Variants in MIA2 observed in about 807,000 individuals in gnomAD.
MIA2 encodes MIA SH3 domain ER export factor 2.
In MIA2, 127 loss-of-function variants were observed where a neutral mutation model predicts 167.8. That is an observed-to-expected ratio of 0.76 (90% CI 0.66 to 0.88). The LOEUF (loss-of-function observed/expected upper bound fraction) is 0.88. Ranked by LOEUF, MIA2 falls within the 40% of genes least tolerant of loss-of-function variation. The pLI is 0.00. For synonymous variants in MIA2, 552 were observed against 541.9 expected, an observed-to-expected ratio of 1.02 and a Z score of -0.26; for missense variants, 1,690 against 1,624.7, an observed-to-expected ratio of 1.04 and a Z score of -0.69.
chr14:39,341,403 T>A (rs1268418571), intron 25 of MIA2, among the ~76,000 whole-genome samples: 1 of 152,188 alleles, frequency 6.6e-6, no homozygotes, highest in Non-Finnish European at 1.5e-5. Flanking sequence ...AAGGGGAAAT[T>A]AATGATGTTT....
intron 28 of MIA2, among the ~76,000 whole-genome samples, chr14:39,349,247 C>G (rs866587316): frequency 3.5e-4 from 53 of 152,164 alleles, no homozygotes; most frequent in African/African-American, 1.3e-3. Flanking sequence ...GCAGGTCTTA[C>G]GATAAAACTA....
Position 39,285,989 on chromosome 14 carries a change from C to G in MIA2, c.2131-5030C>G, listed in dbSNP as rs955927911. ...GGCAGCCGGGCAGAGGGGCTCCTCA[C>G]ATCCTAGACGATGGGCGGCCAGGCA... On this transcript the variant is annotated intron_variant, in intron 9 of 28. Transcript: ENST00000640607. Among the ~76,000 whole-genome samples the G allele has an allele frequency of 2.6e-5, 4 of 152,148 alleles. No homozygotes were observed. In the East Asian group the frequency reaches 7.7e-4, roughly 29 times the overall value.
chr14:39,288,054 A>C (rs7158633), intron 9 of MIA2, among the ~76,000 whole-genome samples: 141,517 of 152,126 alleles, frequency 0.93, 65,914 homozygotes, highest in East Asian at 0.96. Flanking sequence ...GCCATGTTGC[A>C]CAGGCTGGTC....
At chr14:39,267,435 C>G in intron 6 of MIA2, 1 of 1,610,822 alleles carries the variant, frequency 6.2e-7, no homozygotes, top group Non-Finnish European at 8.5e-7. Context: ...GTTACTGTGG[C>G]GACCACGAGA....
intron 1 of MIA2, 57 bp from the exon 2 acceptor site, chr14:39,236,862 AAGG>A (rs2053769277): frequency 6.8e-7 from 1 of 1,461,196 alleles, no homozygotes; most frequent in East Asian, 2.3e-5. Context: ...AGCAAGATGA[AAGG>A]AGGAGAAATA....
intron 23 of MIA2, among the ~76,000 whole-genome samples, chr14:39,381,101 G>C (rs1359863329): frequency 6.6e-6 from 1 of 151,930 alleles, no homozygotes; most frequent in African/African-American, 2.4e-5. Context: ...TACACTCTTG[G>C]GGTATCATAA....
intron 23 of MIA2, among the ~76,000 whole-genome samples, chr14:39,375,018 A>AATC (rs1188039417): frequency 6.6e-6 from 1 of 152,198 alleles, no homozygotes; most frequent in Admixed American, 6.5e-5. Context: ...GGAGGTTTGG[A>AATC]CATGGCAAAG....
At chr14:39,308,745 CTTTTT>C (rs954790716) in intron 18 of MIA2, among the ~76,000 whole-genome samples, 158 bp downstream of exon 18, 1 of 152,120 alleles carries the variant, frequency 6.6e-6, no homozygotes, top group Non-Finnish European at 1.5e-5. Flanking sequence ...TCTGGAGACA[CTTTTT>C]TTCAACAAAG....
chr14:39,239,400 T>C (rs554475261), intron 2 of MIA2, among the ~76,000 whole-genome samples: 9 of 151,050 alleles, frequency 6.0e-5, no homozygotes, highest in Non-Finnish European at 1.0e-4. Context: ...CACAAATTAG[T>C]GGGGTGTTGT....
rs150623248 is a variant in MIA2 at position 39,311,570 on chromosome 14, C to T, written c.3018-1770C>T. ...TTGGCTTACCACAAGCTCCGCCTCC[C>T]GGGTTCACGCCATTCTCCTTCCTCA... On this transcript the variant is annotated intron_variant, in intron 18 of 28. Transcript: ENST00000640607. 4.7e-3 allele frequency among the ~76,000 whole-genome samples: 693 copies of T among 147,220 alleles called. 5 individuals are homozygous for T. The highest frequency in any genetic ancestry group is 5.6e-3 in the Admixed American group (81 of 14,352).
At chr14:39,386,168 G>T in intron 23 of MIA2, 1 of 1,375,200 alleles carries the variant, frequency 7.3e-7, no homozygotes, top group Non-Finnish European at 1.0e-6. Flanking sequence ...TGTTGTTCCA[G>T]AGGTCTTGCC....
At chr14:39,308,640 A>G (rs958199960) in intron 18 of MIA2, 53 bp downstream of exon 18, 30 of 1,347,684 alleles carry the variant, frequency 2.2e-5, no homozygotes, top group South Asian at 2.8e-5. Context: ...AGCTTTAGAG[A>G]TATATGTTAC....
At chr14:39,354,010 T>C (rs771494402), downstream of MIA2, among the ~76,000 whole-genome samples, 5 of 152,214 alleles carry the variant, frequency 3.3e-5, no homozygotes, top group African/African-American at 4.8e-5. Flanking sequence ...TTGTGAATAG[T>C]GCCGCAGTAA....
chr14:39,279,211 T>A, intron 7 of MIA2, 126 bp from the exon 8 acceptor site: 1 of 720,072 alleles, frequency 1.4e-6, no homozygotes, highest in Non-Finnish European at 2.3e-6. Flanking sequence ...CAGAATACTT[T>A]TGGCTTGTAT....
intron 9 of MIA2, among the ~76,000 whole-genome samples, chr14:39,289,075 A>G (rs1423070837): frequency 1.3e-5 from 2 of 152,124 alleles, no homozygotes; most frequent in African/African-American, 4.8e-5. Flanking sequence ...AAATTTGGTA[A>G]AATTCAGCCG....
chr14:39,343,246 G>A (rs2072423527), intron 25 of MIA2, among the ~76,000 whole-genome samples: 2 of 152,182 alleles, frequency 1.3e-5, no homozygotes, highest in Non-Finnish European at 2.9e-5. Flanking sequence ...CTGGGTTCAA[G>A]CGATTCTTGT....
intron 6 of MIA2, among the ~76,000 whole-genome samples, chr14:39,254,653 T>C (rs185104774): frequency 6.6e-6 from 1 of 152,332 alleles, no homozygotes; most frequent in East Asian, 1.9e-4. Flanking sequence ...GCCTTCAGCC[T>C]AGTTTCCCAG....
chr14:39,250,710 A>G (rs1237397210), intron 4 of MIA2, among the ~76,000 whole-genome samples: 1 of 874 alleles, frequency 1.1e-3, no homozygotes. Flanking sequence ...AAAAATATGC[A>G]TATATATATA....
intron 13 of MIA2, among the ~76,000 whole-genome samples, chr14:39,295,825 T>C (rs2061350747): frequency 6.6e-6 from 1 of 152,218 alleles, no homozygotes; most frequent in African/African-American, 2.4e-5. Context: ...CCTAAAGTGT[T>C]GGGATTACAG....
Sources: gnomAD v4.1 joint callset for allele counts (sites outside exome capture counted in the v4.1 genomes callset) on GRCh38, gnomAD v4.1.1 for gene constraint, MANE v1.5 for transcripts, NCBI Gene and HGNC (gene_info 2026-07-23, HGNC 2026-07-21) for gene names.